Variants in DLGAP2 observed in about 807,000 individuals in gnomAD.
The protein encoded by DLGAP2 is DLG associated protein 2, also known as disks large-associated protein 2.
DLGAP2 carries 26 observed loss-of-function variants against 100.3 expected under a neutral mutation model. The ratio of observed to expected loss-of-function variants is 0.26; its 90% CI spans 0.19 to 0.36. The LOEUF (loss-of-function observed/expected upper bound fraction) is 0.36. Ranked by LOEUF, DLGAP2 falls within the 10% of genes least tolerant of loss-of-function variation. The pLI is 1.00. For missense variants in DLGAP2, 1,858 were observed against 1,453.2 expected, an observed-to-expected ratio of 1.28 and a Z score of -4.53; for synonymous variants, 886 against 630.1, an observed-to-expected ratio of 1.41 and a Z score of -6.08.
intron 4 of DLGAP2, among the ~76,000 whole-genome samples, chr8:1,527,938 A>T (rs1301148502): frequency 6.6e-6 from 1 of 152,256 alleles, no homozygotes; most frequent in East Asian, 1.9e-4. Flanking sequence ...AAAAAAGTTC[A>T]TTCAACTGAT....
chr8:1,271,073 C>A (rs896713485), intron 3 of DLGAP2, among the ~76,000 whole-genome samples: 3 of 152,128 alleles, frequency 2.0e-5, no homozygotes, highest in African/African-American at 7.2e-5. Flanking sequence ...CCCACGTCTT[C>A]ATGAAATAAG....
At chr8:1,333,600 A>G (rs1456140974) in intron 3 of DLGAP2, among the ~76,000 whole-genome samples, 1 of 152,142 alleles carries the variant, frequency 6.6e-6, no homozygotes, top group Non-Finnish European at 1.5e-5. Flanking sequence ...GCCCATATCA[A>G]GCCCTCATAA....
Position 1,027,420 on chromosome 8 carries a change from T to C in DLGAP2, c.73+119454T>C, listed in dbSNP as rs1243042779. ...TTCTCCAGGTGGGGTGCTCGGTGCC[T>C]GTTATTCTCCAGGTGCGGTGCCAGG... On this transcript the variant is annotated intron_variant, in intron 2 of 14. Transcript: ENST00000637795. Among the ~76,000 whole-genome samples the C allele has an allele frequency of 2.3e-4, 27 of 119,778 alleles. No individual in the cohort carries two copies. In the East Asian group the frequency reaches 5.2e-3, roughly 23 times the overall value. The allele number at this position is 119,778 out of a possible 152,430, so 78.6% of individuals were successfully genotyped here. A position where few individuals can be genotyped will look rare whatever the true frequency, so the allele number is the denominator to read the frequency against.
chr8:873,089 C>T (rs973464713), intron 1 of DLGAP2, among the ~76,000 whole-genome samples: 4 of 152,168 alleles, frequency 2.6e-5, no homozygotes, highest in African/African-American at 9.7e-5. Context: ...CATGCTCCCA[C>T]ATACTTTAAA....
At chr8:1,568,536 C>G (rs1191022183) in intron 6 of DLGAP2, among the ~76,000 whole-genome samples, 1 of 135,056 alleles carries the variant, frequency 7.4e-6, no homozygotes, top group Non-Finnish European at 1.6e-5. Context: ...CACAAATCCA[C>G]TCTGCCCGTG....
At chr8:1,517,636 A>G (rs1403624422) in intron 4 of DLGAP2, among the ~76,000 whole-genome samples, 1 of 152,184 alleles carries the variant, frequency 6.6e-6, no homozygotes, top group Non-Finnish European at 1.5e-5. Context: ...CACACCTGCT[A>G]AAATGCACCA....
intron 2 of DLGAP2, among the ~76,000 whole-genome samples, chr8:1,088,259 T>C (rs2129040936): frequency 6.6e-6 from 1 of 152,314 alleles, no homozygotes; most frequent in East Asian, 1.9e-4. Context: ...GTTTCATTAA[T>C]GGACTTTAGA....
At chr8:1,234,053 A>G (rs1798592691) in intron 2 of DLGAP2, among the ~76,000 whole-genome samples, 1 of 152,160 alleles carries the variant, frequency 6.6e-6, no homozygotes, top group South Asian at 2.1e-4. Context: ...CCAGGTGAAT[A>G]CCTAACATTT....
At chr8:1,235,112 A>G (rs370966871) in intron 2 of DLGAP2, among the ~76,000 whole-genome samples, 1 of 19,068 alleles carries the variant, frequency 5.2e-5, no homozygotes, top group Non-Finnish European at 1.4e-4. Flanking sequence ...TAGTTCTCTC[A>G]CACATGGCGT....
intron 2 of DLGAP2, among the ~76,000 whole-genome samples, chr8:1,103,509 G>A (rs77623911): frequency 2.9e-5 from 3 of 102,858 alleles, no homozygotes; most frequent in Non-Finnish European, 5.3e-5. Context: ...GATGACTGGC[G>A]GGGCCTTGGT....
intron 2 of DLGAP2, among the ~76,000 whole-genome samples, chr8:1,244,641 G>C (rs888313412): frequency 6.6e-6 from 1 of 151,908 alleles, no homozygotes; most frequent in Non-Finnish European, 1.5e-5. Flanking sequence ...CTCAAAATGG[G>C]TCGAAGACCT....
At chr8:763,417 T>C (rs2132593894) in intron 1 of DLGAP2, among the ~76,000 whole-genome samples, 1 of 152,342 alleles carries the variant, frequency 6.6e-6, no homozygotes, top group African/African-American at 2.4e-5. Flanking sequence ...AGCTTCACTG[T>C]TGCTGCCGTG....
intron 1 of DLGAP2, among the ~76,000 whole-genome samples, chr8:848,209 A>G (rs964543698): frequency 3.9e-5 from 6 of 152,248 alleles, no homozygotes; most frequent in African/African-American, 1.2e-4. Context: ...ACTTATCTAT[A>G]TTGCTATATG....
chr8:1,173,616 G>A (rs112856952), intron 2 of DLGAP2, among the ~76,000 whole-genome samples: 101 of 152,186 alleles, frequency 6.6e-4, no homozygotes, highest in African/African-American at 2.2e-3. Context: ...CCTCCCTGCC[G>A]CCTAGTTTGA....
chr8:1,047,588 G>T (rs1027919613), intron 2 of DLGAP2, among the ~76,000 whole-genome samples: 5 of 152,112 alleles, frequency 3.3e-5, no homozygotes, highest in African/African-American at 1.2e-4. Context: ...AAGGTTCTGG[G>T]GTATGGAAGG....
chr8:1,370,213 C>T (rs770560937), intron 3 of DLGAP2, among the ~76,000 whole-genome samples: 1 of 152,048 alleles, frequency 6.6e-6, no homozygotes, highest in Non-Finnish European at 1.5e-5. Context: ...TCAGAGTGGC[C>T]GACTCTGAAG....
At chr8:1,059,895 T>C (rs1196372272) in intron 2 of DLGAP2, among the ~76,000 whole-genome samples, 1 of 152,156 alleles carries the variant, frequency 6.6e-6, no homozygotes, top group African/African-American at 2.4e-5. Flanking sequence ...AATCGCATTC[T>C]GTGTGGCCCC....
intron 3 of DLGAP2, among the ~76,000 whole-genome samples, chr8:1,292,990 C>A (rs1009664307): frequency 1.3e-5 from 2 of 152,178 alleles, no homozygotes; most frequent in South Asian, 4.1e-4. Flanking sequence ...GGCTGTTCCT[C>A]GTGTCTCTTT....
chr8:1,092,135 C>T (rs1336321082), intron 2 of DLGAP2, among the ~76,000 whole-genome samples: 1 of 152,160 alleles, frequency 6.6e-6, no homozygotes, highest in African/African-American at 2.4e-5. Flanking sequence ...CCCTTCATAC[C>T]CAGAACAGGC....
Sources: gnomAD v4.1 joint callset for allele counts (sites outside exome capture counted in the v4.1 genomes callset) on GRCh38, gnomAD v4.1.1 for gene constraint, MANE v1.5 for transcripts, NCBI Gene and HGNC (gene_info 2026-07-23, HGNC 2026-07-21) for gene names.